Variants in SCTR observed in about 807,000 individuals in gnomAD.
The protein encoded by SCTR is pancreatic secretin receptor.
Under a neutral mutation model 60.8 loss-of-function variants are expected in SCTR, and 56 were observed. That is an observed-to-expected ratio of 0.92 (90% CI 0.74 to 1.15). The LOEUF is 1.15. Among genes scored for constraint, SCTR ranks in the 50% most tolerant of loss-of-function variants. The pLI is 0.00. For synonymous variants in SCTR, 202 were observed against 217.0 expected (o/e 0.93, Z 0.61); for missense variants, 562 against 550.4 (o/e 1.02, Z -0.21).
chr2:119,480,828 T>A (rs2104856271), intron 2 of SCTR: 2 of 152,408 alleles, frequency 1.3e-5, no homozygotes, highest in South Asian at 4.1e-4. Flanking sequence ...GGGACACCCA[T>A]GAGGCGAGCC....
intron 2 of SCTR, among the ~76,000 whole-genome samples, chr2:119,484,188 G>A (rs537085451): frequency 4.7e-4 from 72 of 152,238 alleles, no homozygotes; most frequent in African/African-American, 1.6e-3. Context: ...ACTGAGCCAC[G>A]AGGGAGGGGT....
At chr2:119,498,786 C>T (rs1336525762) in intron 1 of SCTR, among the ~76,000 whole-genome samples, 1 of 151,602 alleles carries the variant, frequency 6.6e-6, no homozygotes, top group Non-Finnish European at 1.5e-5. Flanking sequence ...TTCAACTAAC[C>T]CACAAGAAGG....
At chr2:119,478,719 A>G in intron 3 of SCTR, 92 bp downstream of exon 3, 4 of 1,109,014 alleles carry the variant, frequency 3.6e-6, no homozygotes, top group Non-Finnish European at 5.3e-6. Flanking sequence ...GTCCTCAGAG[A>G]AGGTTCCTTG....
chr2:119,479,227 T>C, intron 2 of SCTR: 1 of 1,095,652 alleles, frequency 9.1e-7, no homozygotes, highest in Non-Finnish European at 1.1e-6. Context: ...TGGATTTCTC[T>C]GGAGCAGATG....
intron 5 of SCTR, among the ~76,000 whole-genome samples, chr2:119,464,576 CA>C (rs1196011152): frequency 1.7e-4 from 26 of 152,168 alleles, no homozygotes; most frequent in African/African-American, 6.3e-4. Context: ...TCTGTATCTA[CA>C]AAAAAATTGT....
chr2:119,504,562 G>T lies in SCTR; in HGVS notation c.73-10014C>A, dbSNP rs572504916. 9.5e-4 allele frequency among the ~76,000 whole-genome samples: 144 copies of T among 152,140 alleles called. 1 individual carries two copies. The highest frequency in any genetic ancestry group is 2.8e-3 in the African/African-American group (118 of 41,494). ...GCTAAGATTGCGCCACAACACTCCA[G>T]CCTGGGTGACAAAGTAAGACTCTGT... On this transcript the variant is annotated intron_variant, in intron 1 of 12. Coordinates refer to ENST00000019103, the MANE Select transcript of SCTR (RefSeq NM_002980.3).
chr2:119,497,010 A>C (rs1464371121), intron 1 of SCTR, among the ~76,000 whole-genome samples: 1 of 152,172 alleles, frequency 6.6e-6, no homozygotes, highest in Non-Finnish European at 1.5e-5. Context: ...GCTGTGTGGT[A>C]ATGAAGTCTC....
chr2:119,446,939 C>A, intron 10 of SCTR, 54 bp from the exon 11 acceptor site: 3 of 1,377,618 alleles, frequency 2.2e-6, no homozygotes, highest in Non-Finnish European at 2.8e-6. Flanking sequence ...GCCCTTTCTC[C>A]TCCTGTAGGC....
chr2:119,524,473 C>A lies in SCTR; in HGVS notation c.-247G>T. ...GCTTTGCCGGCGCGCCTCCTCCACCCGGCAGGGACTGGCGCGGGGTCGGCG... is the reference window on the plus strand; with the variant it reads ...GCTTTGCCGGCGCGCCTCCTCCACCAGGCAGGGACTGGCGCGGGGTCGGCG... On this transcript the variant is annotated 5_prime_UTR_variant, in exon 1 of 13. Coordinates refer to ENST00000019103, the MANE Select transcript of SCTR (RefSeq NM_002980.3). 5.7e-6 allele frequency: 2 copies of A among 349,574 alleles called. No homozygotes were observed. Among genetic ancestry groups the A allele is most frequent in the Non-Finnish European group, 5.1e-6 (1 of 195,394 alleles). The allele number at this position is 349,574 out of a possible 1,614,324, so 21.7% of individuals were successfully genotyped here. A position where few individuals can be genotyped will look rare whatever the true frequency, so the allele number is the denominator to read the frequency against.
At chr2:119,474,891 G>C (rs530208257) in intron 3 of SCTR, among the ~76,000 whole-genome samples, 1 of 152,370 alleles carries the variant, frequency 6.6e-6, no homozygotes, top group Non-Finnish European at 1.5e-5. Context: ...CCCTGTGGAG[G>C]CTCAGGAGGC....
At chr2:119,458,039 A>G (rs1285555050) in intron 7 of SCTR, among the ~76,000 whole-genome samples, 1 of 152,134 alleles carries the variant, frequency 6.6e-6, no homozygotes, top group African/African-American at 2.4e-5. Flanking sequence ...CATGCCTGTA[A>G]TCCCAGCACT....
Position 119,513,205 on chromosome 2 carries a change from C to T in SCTR, c.72+10950G>A, listed in dbSNP as rs144330629. Among the ~76,000 whole-genome samples, 250 of 152,348 alleles carry T rather than the reference C, an allele frequency of 1.6e-3. 2 individuals carry two copies. The highest frequency in any genetic ancestry group is 5.7e-3 in the African/African-American group (235 of 41,580). ...AGGCATTGAGGTTATTCTTTCCATA[C>T]AGCTATCACTTCATCACTTTTCATT... On this transcript the variant is annotated intron_variant, in intron 1 of 12. Transcript: ENST00000019103.
intron 1 of SCTR, among the ~76,000 whole-genome samples, chr2:119,512,681 G>A (rs1252556315): frequency 1.3e-5 from 2 of 152,304 alleles, no homozygotes; most frequent in South Asian, 2.1e-4. Context: ...ACAGGCGTGA[G>A]CCACCGTGCC....
chr2:119,444,356 A>AATATATATACACATATATACGTATGT (rs1682799697), intron 11 of SCTR, among the ~76,000 whole-genome samples: 1 of 5,292 alleles, frequency 1.9e-4, no homozygotes, highest in Non-Finnish European at 6.9e-4. Context: ...TATACGTATG[A>AATATATATACACATATATACGTATGT]ATATATATAC....
chr2:119,516,056 G>A lies in SCTR; in HGVS notation c.72+8099C>T, dbSNP rs995397939. 6.6e-5 allele frequency among the ~76,000 whole-genome samples: 10 copies of A among 152,292 alleles called. No individual in the cohort carries two copies. The South Asian group carries it at 1.7e-3, about 25-fold the overall frequency. On this transcript the variant is annotated intron_variant, in intron 1 of 12. Coordinates refer to ENST00000019103, the MANE Select transcript of SCTR (RefSeq NM_002980.3). Reference sequence around the variant, plus strand: ...TCACACCTGTTAGGGGGGCTAATGTGGGGTGAGAACAAGTGCTAACAATGA... The same window carrying A: ...TCACACCTGTTAGGGGGGCTAATGTAGGGTGAGAACAAGTGCTAACAATGA...
intron 2 of SCTR, among the ~76,000 whole-genome samples, chr2:119,485,521 C>T (rs1198815139): frequency 6.6e-6 from 1 of 152,168 alleles, no homozygotes; most frequent in Non-Finnish European, 1.5e-5. Context: ...TATAAATAAG[C>T]TCAGATGGCC....
At chr2:119,521,268 A>G (rs1014887110) in intron 1 of SCTR, among the ~76,000 whole-genome samples, 4 of 152,244 alleles carry the variant, frequency 2.6e-5, no homozygotes, top group African/African-American at 9.6e-5. Flanking sequence ...CAATTTAGCA[A>G]GTAAGGAGTG....
chr2:119,511,390 AC>A (rs1210856841), intron 1 of SCTR, among the ~76,000 whole-genome samples: 1 of 152,196 alleles, frequency 6.6e-6, no homozygotes, highest in Admixed American at 6.5e-5. Flanking sequence ...AGAATGGTCT[AC>A]ATTTATAATG....
chr2:119,440,268 G>T lies in SCTR; in HGVS notation c.1183-11C>A. On this transcript the variant is annotated splice_polypyrimidine_tract_variant and intron_variant, in intron 12 of 12. Transcript: ENST00000019103. Reference sequence around the variant, plus strand: ...AACCTCCAGCTGCACCTGCCCGGGAGACCAGCCATCAGCCCAGGAGGAGAG... The same window carrying T: ...AACCTCCAGCTGCACCTGCCCGGGATACCAGCCATCAGCCCAGGAGGAGAG... 1.2e-6 allele frequency: 2 copies of T among 1,610,294 alleles called. No homozygotes were observed. Among genetic ancestry groups the T allele is most frequent in the Non-Finnish European group, 1.7e-6 (2 of 1,177,994 alleles).
Sources: gnomAD v4.1 joint callset for allele counts (sites outside exome capture counted in the v4.1 genomes callset) on GRCh38, gnomAD v4.1.1 for gene constraint, MANE v1.5 for transcripts, NCBI Gene and HGNC (gene_info 2026-07-23, HGNC 2026-07-21) for gene names.